PSG6: variants seen among roughly 807,000 people sequenced by gnomAD.
PSG6 encodes pregnancy-specific beta-1-glycoprotein 6.
PSG6 carries 51 observed loss-of-function variants against 43.3 expected under a neutral mutation model. That is an observed-to-expected ratio of 1.18 (90% CI 0.94 to 1.49). PSG6 has a LOEUF of 1.49. Among genes scored for constraint, PSG6 ranks in the 40% most tolerant of loss-of-function variants. PSG6 has a pLI of 0.00. For synonymous variants in PSG6, 292 were observed against 197.6 expected, an observed-to-expected ratio of 1.48 and a Z score of -4.01; for missense variants, 770 against 522.2, an observed-to-expected ratio of 1.47 and a Z score of -4.62.
Position 42,914,556 on chromosome 19 carries a change from C to T in PSG6, c.427+1569G>A, listed in dbSNP as rs150811642. Reference sequence around the variant, plus strand: ...GGACCAAAGAGCCCTGAGAACCCTCCGGTGGCCAAAGAACTTCAGAGTTGC... The same window carrying T: ...GGACCAAAGAGCCCTGAGAACCCTCTGGTGGCCAAAGAACTTCAGAGTTGC... On this transcript the variant is annotated intron_variant, in intron 2 of 5. Coordinates refer to ENST00000187910, the MANE Select transcript of PSG6 (RefSeq NM_001031850.4). Among the ~76,000 whole-genome samples the T allele has an allele frequency of 1.9e-3, 285 of 149,058 alleles. 8 individuals are homozygous for T. Among genetic ancestry groups the T allele is most frequent in the African/African-American group, 6.9e-3 (276 of 40,080 alleles).
intron 3 of PSG6, among the ~76,000 whole-genome samples, chr19:42,909,311 A>C (rs2122630462): frequency 6.6e-6 from 1 of 151,650 alleles, no homozygotes; most frequent in Admixed American, 6.6e-5. Flanking sequence ...GATGTGAGAA[A>C]GGCTGATTGC....
rs748838569 is a variant in PSG6, at chr19:42,907,842, A to G, written c.719T>C (p.Met240Thr). The G allele has an allele frequency of 6.2e-7, 1 of 1,611,496 alleles. No homozygotes were observed. The highest frequency in any genetic ancestry group is 1.7e-5 in the Admixed American group (1 of 59,870). Residue 240 changes from methionine (M) to threonine (T), a missense_variant, in exon 4 of 6, where the codon ATG (methionine) becomes ACG (threonine). By Grantham distance (81) the Met-to-Thr change is moderately conservative. Transcript: ENST00000187910. ...TAAGTTGTTGATGGTGATGTAAGGC[A>G]TGGGCAGCTTCGCTGTGTGGATAAC... ...VTLNLLPKLP[M>T]PYITINNLNP...
At position 42,912,451 on chromosome 19, in the gene PSG6, A is replaced by G. The variant is rs183154913; in HGVS notation, c.428-1593T>C. Among the ~76,000 whole-genome samples, 108 of 151,880 alleles carry G rather than the reference A, an allele frequency of 7.1e-4. 5 individuals carry two copies. Among genetic ancestry groups the G allele is most frequent in the East Asian group, 3.9e-3 (20 of 5,152 alleles). ...GTGCCATGAATTCCAGCAGGATCAC[A>G]TTATGCTCAAAGAAAGATGCCAAAG... On this transcript the variant is annotated intron_variant, in intron 2 of 5. Transcript: ENST00000187910.
At chr19:42,907,995 A>T in intron 3 of PSG6, 141 bp from the exon 4 acceptor site, 2 of 1,308,254 alleles carry the variant, frequency 1.5e-6, no homozygotes, top group Non-Finnish European at 2.1e-6. Context: ...CACAAGACAG[A>T]TGTATGATGA....
rs1220942281 is a variant in PSG6, at chr19:42,910,689, C to T, written c.597G>A (p.Arg199=). ...THRLQLSKTN[R]TLYLFGVTKY... ...TTGTGACACCAAATAGATAGAGGGT[C>T]CTGTTGGTTTTGGACAGCTGCAACC... The change falls in exon 3 of 6, where the codon AGG becomes AGA. Residue 199 remains arginine (R), a synonymous_variant. Transcript: ENST00000187910. The T allele has an allele frequency of 4.3e-6, 7 of 1,612,294 alleles. No individual in the cohort carries two copies. The highest frequency in any genetic ancestry group is 1.1e-5 in the South Asian group (1 of 90,612).
In PSG6 at chr19:42,904,845, A is replaced by C. The variant is rs1481320004; in HGVS notation, c.1240+2077T>G. ...AAATAGACACACAGCTTTGAAGAGG[A>C]AGAATGAAGCTGGAGGACTCACACT... On this transcript the variant is annotated intron_variant, in intron 5 of 5. Coordinates refer to ENST00000187910, the MANE Select transcript of PSG6 (RefSeq NM_001031850.4). Among the ~76,000 whole-genome samples, 6 of 151,792 alleles carry C rather than the reference A, an allele frequency of 4.0e-5. No individual in the cohort carries two copies. In the East Asian group the frequency reaches 9.7e-4, roughly 24 times the overall value.
intron 5 of PSG6, 24 bp from the exon 6 acceptor site, chr19:42,902,470 A>T: frequency 6.2e-7 from 1 of 1,607,816 alleles, no homozygotes; most frequent in Middle Eastern, 1.7e-4. Flanking sequence ...GGCCCAGGTC[A>T]GCGCATTTCA....
chr19:42,916,607 CATACAA>C, intron 1 of PSG6, 120 bp from the exon 2 acceptor site: 1 of 1,360,374 alleles, frequency 7.4e-7, no homozygotes, highest in Non-Finnish European at 1.0e-6. Flanking sequence ...CACACACACA[CATACAA>C]ACACACACAC....
chr19:42,908,853 T>A (rs113570341), intron 3 of PSG6, among the ~76,000 whole-genome samples: 3,613 of 151,732 alleles, frequency 0.024, 200 homozygotes, highest in African/African-American at 0.083. Context: ...TGTAAGTTGA[T>A]TCCAGATTGA....
chr19:42,905,116 A>G (rs556467134), intron 5 of PSG6, among the ~76,000 whole-genome samples: 3 of 151,802 alleles, frequency 2.0e-5, no homozygotes, highest in South Asian at 4.2e-4. Context: ...AACACCATGT[A>G]CAAAAATTAA....
In PSG6 at chr19:42,916,556, G is replaced by A. The variant is rs894942148; in HGVS notation, c.65-69C>T. Reference sequence around the variant, plus strand: ...TTGGGGTGAAAAGATGGGGCCCTGTGTCCTGAGAAGGTCTCTTCAATCATC... The same window carrying A: ...TTGGGGTGAAAAGATGGGGCCCTGTATCCTGAGAAGGTCTCTTCAATCATC... On this transcript the variant is annotated intron_variant, in intron 1 of 5. Coordinates refer to ENST00000187910, the MANE Select transcript of PSG6 (RefSeq NM_001031850.4). The A allele has an allele frequency of 3.9e-6, 6 of 1,537,450 alleles. No individual in the cohort carries two copies. The African/African-American group carries it at 6.9e-5, about 18-fold the overall frequency.
At chr19:42,903,958 T>C (rs1972074527) in intron 5 of PSG6, among the ~76,000 whole-genome samples, 1 of 151,492 alleles carries the variant, frequency 6.6e-6, no homozygotes, top group Non-Finnish European at 1.5e-5. Context: ...TCTAATAAAA[T>C]AATGATTATG....
chr19:42,903,041 G>GCA, intron 5 of PSG6, among the ~76,000 whole-genome samples: 2 of 151,560 alleles, frequency 1.3e-5, no homozygotes, highest in Non-Finnish European at 2.9e-5. Flanking sequence ...CCATTTTGCT[G>GCA]ATGAAAAGAC....
At chr19:42,907,452 C>G in intron 4 of PSG6, 124 bp downstream of exon 4, 1 of 1,536,556 alleles carries the variant, frequency 6.5e-7, no homozygotes, top group Non-Finnish European at 8.8e-7. Context: ...GGAGTCATGG[C>G]CAGGTCTGAT....
Position 42,914,210 on chromosome 19 carries a change from C to T in PSG6, c.427+1915G>A, listed in dbSNP as rs1168659955. On this transcript the variant is annotated intron_variant, in intron 2 of 5. Transcript: ENST00000187910. Reference sequence around the variant, plus strand: ...AAGGTTTCTCTTAGTGACCTGGGGACATTGGCTCGAGAGGAAGCCTGGCAG... The same window carrying T: ...AAGGTTTCTCTTAGTGACCTGGGGATATTGGCTCGAGAGGAAGCCTGGCAG... Among the ~76,000 whole-genome samples, 3 of 151,454 alleles carry T rather than the reference C, an allele frequency of 2.0e-5. 1 individual carries two copies. In the East Asian group the frequency reaches 5.8e-4, roughly 30 times the overall value.
Position 42,907,793 on chromosome 19 carries a change from C to T in PSG6, c.768G>A (p.Val256=), listed in dbSNP as rs1065514. 23 of 1,611,206 alleles carry T rather than the reference C, an allele frequency of 1.4e-5. No homozygotes were observed. The highest frequency in any genetic ancestry group is 1.8e-5 in the Non-Finnish European group (21 of 1,179,106). ...NNLNPREKKD[V]LAFTCEPKSR... Reference sequence around the variant, plus strand: ...TCTTAGGTTCACAGGTGAAGGCTAACACATCCTTCTTCTCCCTGGGGTTTA... The same window carrying T: ...TCTTAGGTTCACAGGTGAAGGCTAATACATCCTTCTTCTCCCTGGGGTTTA... The change falls in exon 4 of 6, where the codon GTG becomes GTA. Residue 256 remains valine, a synonymous_variant. Transcript: ENST00000187910.
intron 3 of PSG6, 110 bp from the exon 4 acceptor site, chr19:42,907,964 G>A (rs575965537): frequency 1.4e-6 from 2 of 1,459,372 alleles, no homozygotes; most frequent in African/African-American, 1.4e-5. Context: ...GTCCTTGAAA[G>A]CCAGTAGCTG....
rs1225481434 is a variant in PSG6 at position 42,907,159 on chromosome 19, T to C, written c.1003A>G (p.Arg335Gly). 1.9e-6 allele frequency: 3 copies of C among 1,612,496 alleles called. No individual in the cohort carries two copies. In the Admixed American group the frequency reaches 5.0e-5, roughly 27 times the overall value. ...TAATAGGTGAATGAAGGGTAAATTC[T>C]GGGGAGGTCTGGACCATCTGGAGGA... ...LNVLYGPDLP[R>G]IYPSFTYYRS... is the part of the protein sequence containing the mutation. The change falls in exon 5 of 6, where the codon AGA becomes GGA. Residue 335 changes from arginine to glycine, a missense_variant. Physicochemically the swap from Arg to Gly is moderately radical, Grantham distance 125. Coordinates refer to ENST00000187910, the MANE Select transcript of PSG6 (RefSeq NM_001031850.4).
rs1972330539 is a variant in PSG6, at chr19:42,916,332, C to A, written c.220G>T (p.Asp74Tyr). Residue 74 changes from aspartate to tyrosine, a missense_variant, in exon 2 of 6, where the codon GAC becomes TAC. Transcript: ENST00000187910. ...TATGATGTAATGTAATGGTAGAGGT[C>A]CGTCATTTGCCCTTTGTACCAGATG... ...GYIWYKGQMTDLYHYITSYVV... is the reference protein window; with the variant it reads ...GYIWYKGQMTYLYHYITSYVV... The A allele has an allele frequency of 3.1e-6, 5 of 1,611,958 alleles. 1 individual carries two copies. The African/African-American group carries it at 4.0e-5, about 13-fold the overall frequency.
Sources: allele counts gnomAD v4.1 joint callset (sites outside exome capture counted in the v4.1 genomes callset), GRCh38; gene constraint gnomAD v4.1.1; transcripts MANE v1.5; gene names NCBI Gene and HGNC (gene_info 2026-07-23, HGNC 2026-07-21).